The following DNAH11 variants were observed in gnomAD, a reference collection of about 807,000 sequenced individuals.
DNAH11 encodes the protein axonemal beta dynein heavy chain 11.
DNAH11 carries 442 observed loss-of-function variants against 526.0 expected under a neutral mutation model. That is an observed-to-expected ratio of 0.84 (90% CI 0.78 to 0.91). DNAH11 has a LOEUF of 0.91. DNAH11 is among the 40% of genes least tolerant of loss of function. The probability of loss-of-function intolerance (pLI) is 0.00; values close to 1 mark genes in which losing one functional copy is unlikely to be tolerated. For synonymous variants in DNAH11, 2,461 were observed against 1,935.9 expected (o/e 1.27, Z -7.12); for missense variants, 6,989 against 5,448.7 (o/e 1.28, Z -8.90).
chr7:21,776,935 CGTGTGTGTGTGTGT>C (rs3061429), intron 56 of DNAH11, among the ~76,000 whole-genome samples: 4 of 149,686 alleles, frequency 2.7e-5, no homozygotes, highest in Non-Finnish European at 5.9e-5. Context: ...TTTATTTGTA[CGTGTGTGTGTGTGT>C]GTGTGTGTGT....
At chr7:21,842,923 G>C (rs957884797) in intron 66 of DNAH11, among the ~76,000 whole-genome samples, 175 bp downstream of exon 66, 6 of 152,198 alleles carry the variant, frequency 3.9e-5, no homozygotes, top group African/African-American at 1.2e-4. Flanking sequence ...CTTCATAAAT[G>C]CTAGATTGTT....
intron 30 of DNAH11, among the ~76,000 whole-genome samples, chr7:21,667,209 G>T (rs1242847287): frequency 1.3e-5 from 2 of 152,118 alleles, no homozygotes; most frequent in Non-Finnish European, 2.9e-5. Context: ...TAGTGGAGGT[G>T]TTTGTCCCCA....
rs547048183 is a variant in DNAH11 at position 21,900,472 on chromosome 7, C to CTAA, written c.13303+354_13303+356dup. On this transcript the variant is annotated intron_variant, in intron 81 of 81. Coordinates refer to ENST00000409508, the MANE Select transcript of DNAH11 (RefSeq NM_001277115.2). Reference sequence around the variant, plus strand: ...TTTAAAAACTGTCAGTAAATTTGCTCTAATGTTTTACTACAAGACTTCTCC... The same window carrying CTAA: ...TTTAAAAACTGTCAGTAAATTTGCTCTAATAATGTTTTACTACAAGACTTCTCC... Among the ~76,000 whole-genome samples, 11 of 103,256 alleles carry CTAA rather than the reference C, an allele frequency of 1.1e-4. No homozygotes were observed. The South Asian group carries it at 2.5e-3, about 24-fold the overall frequency. 67.7% of individuals were successfully genotyped at this position (103,256 alleles called of 152,430 possible).
At chr7:21,646,870 G>A (rs1787376828) in intron 28 of DNAH11, among the ~76,000 whole-genome samples, 2 of 152,056 alleles carry the variant, frequency 1.3e-5, no homozygotes, top group African/African-American at 4.8e-5. Flanking sequence ...CAAAAGTATG[G>A]GAGTGAAAAT....
At chr7:21,698,365 T>C (rs1451726159) in intron 36 of DNAH11, among the ~76,000 whole-genome samples, 152 bp downstream of exon 36, 5 of 152,164 alleles carry the variant, frequency 3.3e-5, no homozygotes, top group Non-Finnish European at 7.3e-5. Flanking sequence ...GAACAGGTGT[T>C]TTTTGGTTAC....
intron 57 of DNAH11, among the ~76,000 whole-genome samples, chr7:21,782,570 A>G (rs1345172724): frequency 1.3e-5 from 2 of 152,224 alleles, no homozygotes; most frequent in Non-Finnish European, 2.9e-5. Flanking sequence ...AAAATACTCC[A>G]TTAATAGTAA....
chr7:21,750,463 A>G, intron 54 of DNAH11, 99 bp downstream of exon 54: 2 of 1,468,402 alleles, frequency 1.4e-6, no homozygotes, highest in Non-Finnish European at 1.8e-6. Context: ...AATTTCAGTC[A>G]TGCATTTTGA....
chr7:21,556,648 G>T (rs898117475), intron 2 of DNAH11, among the ~76,000 whole-genome samples: 1 of 152,112 alleles, frequency 6.6e-6, no homozygotes, highest in Non-Finnish European at 1.5e-5. Context: ...TATCCGATAG[G>T]CAGTTCTTTA....
intron 79 of DNAH11, among the ~76,000 whole-genome samples, chr7:21,898,145 A>C (rs546964524): frequency 7.9e-5 from 12 of 152,148 alleles, no homozygotes; most frequent in Non-Finnish European, 1.8e-4. Flanking sequence ...AGTTGTTACA[A>C]ATTGTCTGCA....
chr7:21,573,471 T>C (rs915233401), intron 8 of DNAH11, among the ~76,000 whole-genome samples: 1 of 151,188 alleles, frequency 6.6e-6, no homozygotes, highest in Admixed American at 6.6e-5. Flanking sequence ...AAAAGTTAAC[T>C]TAATCAGCAT....
intron 65 of DNAH11, among the ~76,000 whole-genome samples, chr7:21,833,717 A>G (rs983105839): frequency 1.3e-5 from 2 of 152,080 alleles, no homozygotes; most frequent in Non-Finnish European, 2.9e-5. Flanking sequence ...ATAAAAATAA[A>G]TAAATAAAAT....
In DNAH11 at chr7:21,588,217, G is replaced by A. The variant is rs1237273194; in HGVS notation, c.1848+16G>A. Reference sequence around the variant, plus strand: ...CATGAAACAGGTAAGTGGTGGATAAGGTTGGACACATTTACAATATCATTT... The same window carrying A: ...CATGAAACAGGTAAGTGGTGGATAAAGTTGGACACATTTACAATATCATTT... On this transcript the variant is annotated intron_variant, in intron 10 of 81. Coordinates refer to ENST00000409508, the MANE Select transcript of DNAH11 (RefSeq NM_001277115.2). The A allele has an allele frequency of 2.5e-6, 4 of 1,603,902 alleles. No individual in the cohort carries two copies. In the Admixed American group the frequency reaches 6.9e-5, roughly 28 times the overall value.
Position 21,804,438 on chromosome 7 carries a change from T to C in DNAH11, c.10165+3163T>C, listed in dbSNP as rs1441604374. Among the ~76,000 whole-genome samples the C allele has an allele frequency of 2.0e-5, 3 of 152,140 alleles. No individual in the cohort carries two copies. In the East Asian group the frequency reaches 5.8e-4, roughly 29 times the overall value. On this transcript the variant is annotated intron_variant, in intron 62 of 81. Coordinates refer to ENST00000409508, the MANE Select transcript of DNAH11 (RefSeq NM_001277115.2). ...GTACATTTTTAAAACCCTAACTTAT[T>C]ACCACAAATTTAACTAATTCACCAC...
chr7:21,617,697 G>A lies in DNAH11; in HGVS notation c.4174G>A (p.Ala1392Thr), dbSNP rs764899158. ...GGAAGGCACAGTTAAGGACATGACA[G>A]CCTCCCTGAGGGCCATCACAGAGTT... ...GLEGTVKDMT[A>T]SLRAITELQS... Residue 1392 changes from alanine to threonine, a missense_variant, in exon 23 of 82, where the codon GCC becomes ACC. Transcript: ENST00000409508. 4 of 1,613,694 alleles carry A rather than the reference G, an allele frequency of 2.5e-6. No individual in the cohort carries two copies. The African/African-American group carries it at 5.3e-5, about 22-fold the overall frequency.
At chr7:21,627,986 C>G (rs1292308136) in intron 25 of DNAH11, among the ~76,000 whole-genome samples, 4 of 151,798 alleles carry the variant, frequency 2.6e-5, no homozygotes, top group African/African-American at 7.3e-5. Context: ...TAGAAACTTT[C>G]ACTTTTCATC....
At chr7:21,545,569 T>C (rs1782778280) in intron 2 of DNAH11, among the ~76,000 whole-genome samples, 1 of 152,210 alleles carries the variant, frequency 6.6e-6, no homozygotes, top group African/African-American at 2.4e-5. Flanking sequence ...TTTATACTTG[T>C]TAGAAACTAA....
intron 71 of DNAH11, 55 bp downstream of exon 71, chr7:21,866,718 G>T (rs1006162060): frequency 2.6e-6 from 4 of 1,519,528 alleles, no homozygotes; most frequent in Non-Finnish European, 3.5e-6. Context: ...AGGAAATGTA[G>T]TCTGAAGAGT....
intron 65 of DNAH11, among the ~76,000 whole-genome samples, chr7:21,836,657 G>C (rs1448482076): frequency 1.3e-5 from 2 of 152,074 alleles, no homozygotes; most frequent in East Asian, 3.9e-4. Context: ...AAAACATTAG[G>C]GGAATGCTTT....
chr7:21,703,683 G>A (rs2128478777), intron 37 of DNAH11: 1 of 152,184 alleles, frequency 6.6e-6, no homozygotes. Flanking sequence ...AGATTTGGGT[G>A]GGGACACAAA....
Sources: gnomAD v4.1 joint callset for allele counts (sites outside exome capture counted in the v4.1 genomes callset) on GRCh38, gnomAD v4.1.1 for gene constraint, MANE v1.5 for transcripts, NCBI Gene and HGNC (gene_info 2026-07-23, HGNC 2026-07-21) for gene names.